DDX1: variants seen among roughly 807,000 people sequenced by gnomAD.
The protein encoded by DDX1 is ATP-dependent RNA helicase DDX1.
Under a neutral mutation model 108.7 loss-of-function variants are expected in DDX1, and 28 were observed. The observed-to-expected ratio is 0.26, with a 90% CI of 0.19 to 0.35. DDX1 has a LOEUF of 0.35. Ranked by LOEUF, DDX1 falls within the 10% of genes least tolerant of loss-of-function variation. The probability of loss-of-function intolerance (pLI) is 1.00; values close to 1 mark genes in which losing one functional copy is unlikely to be tolerated. For missense variants in DDX1, 710 were observed against 884.5 expected (o/e 0.80, Z 2.50); for synonymous variants, 295 against 288.9 (o/e 1.02, Z -0.21).
At chr2:15,603,501 G>A (rs1467515272) in intron 8 of DDX1, among the ~76,000 whole-genome samples, 1 of 152,198 alleles carries the variant, frequency 6.6e-6, no homozygotes, top group Admixed American at 6.5e-5. Flanking sequence ...TATGAATGGA[G>A]TCAGGGTAAA....
chr2:15,607,066 A>C, intron 12 of DDX1, 109 bp from the exon 13 acceptor site: 2 of 1,058,176 alleles, frequency 1.9e-6, no homozygotes, highest in Non-Finnish European at 1.4e-6. Context: ...CTACTTTTTG[A>C]CAATTATTAT....
At position 15,628,844 on chromosome 2, in the gene DDX1, T is replaced by C. The variant is rs372205026; in HGVS notation, c.1875+5T>C. The C allele has an allele frequency of 3.1e-6, 5 of 1,611,880 alleles. No homozygotes were observed. In the Admixed American group the frequency reaches 8.3e-5, roughly 27 times the overall value. On this transcript the variant is annotated splice_donor_5th_base_variant and intron_variant, in intron 23 of 25. Coordinates refer to ENST00000233084, the MANE Select transcript of DDX1 (RefSeq NM_004939.3). ...GTGGCAACAGAAAAAGAAAAGGTAA[T>C]CTTTGTAGGGCTCTATTATATTCAT...
intron 1 of DDX1, 103 bp downstream of exon 1, chr2:15,592,052 G>T: frequency 8.8e-7 from 1 of 1,132,110 alleles, no homozygotes; most frequent in African/African-American, 1.6e-5. Flanking sequence ...ACAGGGGTCA[G>T]GGAGACAGAA....
chr2:15,600,314 A>G (rs987072556), intron 6 of DDX1, among the ~76,000 whole-genome samples: 4 of 152,240 alleles, frequency 2.6e-5, no homozygotes, highest in Middle Eastern at 3.2e-3. Context: ...CATAGTGAGC[A>G]GCGAGACCTG....
Position 15,599,685 on chromosome 2 carries a change from G to C in DDX1, c.276G>C (p.Gln92His), listed in dbSNP as rs2148737744. 1.2e-6 allele frequency: 2 copies of C among 1,606,950 alleles called. No individual in the cohort carries two copies. Among genetic ancestry groups the C allele is most frequent in the Admixed American group, 3.4e-5 (2 of 59,064 alleles). ...TTTGTTTAGTGCTGAACAAATGGCA[G>C]ATGAACCCATATGACAGAGGATCTG... ...KTGASVLNKW[Q>H]MNPYDRGSAF... Residue 92 changes from glutamine (Q) to histidine (H), a missense_variant, in exon 6 of 26, where the codon CAG becomes CAC. This residue lies in a region of DDX1 where 661 missense variants were observed against 810.2 expected (regional missense o/e 0.82). Coordinates refer to ENST00000233084, the MANE Select transcript of DDX1 (RefSeq NM_004939.3).
rs762345891 is a variant in DDX1, at chr2:15,628,812, T to C, written c.1848T>C (p.Ile616=). 5.8e-5 allele frequency: 94 copies of C among 1,613,692 alleles called. No individual in the cohort carries two copies. Among genetic ancestry groups the C allele is most frequent in the Non-Finnish European group, 7.8e-5 (92 of 1,179,760 alleles). ...VGRAERMGLA[I]SLVATEKEKV... Reference sequence around the variant, plus strand: ...CATCTTTCAGGATGGGTCTGGCAATTTCCCTGGTGGCAACAGAAAAAGAAA... The same window carrying C: ...CATCTTTCAGGATGGGTCTGGCAATCTCCCTGGTGGCAACAGAAAAAGAAA... Residue 616 remains isoleucine, a synonymous_variant, in exon 23 of 26, where the codon ATT becomes ATC. Coordinates refer to ENST00000233084, the MANE Select transcript of DDX1 (RefSeq NM_004939.3).
chr2:15,612,111 G>A (rs1394652542), intron 13 of DDX1, among the ~76,000 whole-genome samples: 1 of 141,580 alleles, frequency 7.1e-6, no homozygotes, highest in Non-Finnish European at 1.5e-5. Context: ...CCTCCCTCCC[G>A]GACGGGGCGG....
chr2:15,620,665 A>G (rs1446899884), intron 17 of DDX1, among the ~76,000 whole-genome samples: 1 of 152,170 alleles, frequency 6.6e-6, no homozygotes, highest in Non-Finnish European at 1.5e-5. Flanking sequence ...TTCAGATACA[A>G]TGATTTCCAT....
chr2:15,603,916 C>CATAG (rs1452719223), intron 9 of DDX1, 26 bp downstream of exon 9: 1 of 1,488,444 alleles, frequency 6.7e-7, no homozygotes. Flanking sequence ...ATGACTTCAA[C>CATAG]ATAGCATAAG....
intron 25 of DDX1, 45 bp downstream of exon 25, chr2:15,630,155 C>A: frequency 1.2e-6 from 2 of 1,601,574 alleles, no homozygotes; most frequent in East Asian, 2.2e-5. Context: ...TGTAAATATA[C>A]CTGTTTTGAA....
intron 20 of DDX1, among the ~76,000 whole-genome samples, chr2:15,627,785 C>T (rs1018543184): frequency 4.6e-5 from 7 of 152,136 alleles, no homozygotes; most frequent in Non-Finnish European, 5.9e-5. Flanking sequence ...CTTTGGCTTA[C>T]GTTTCCATGC....
chr2:15,604,531 G>A (rs762195691), intron 10 of DDX1, 22 bp downstream of exon 10: 7 of 1,431,226 alleles, frequency 4.9e-6, no homozygotes, highest in African/African-American at 2.8e-5. Context: ...ATGGATCTTA[G>A]TAGTGAAAAG....
chr2:15,606,325 G>GT, intron 12 of DDX1, 61 bp downstream of exon 12: 3 of 1,219,758 alleles, frequency 2.5e-6, no homozygotes, highest in Non-Finnish European at 3.6e-6. Flanking sequence ...GAGAACTCCA[G>GT]TAAGTAAGGC....
At chr2:15,619,049 C>T (rs908337235) in intron 16 of DDX1, among the ~76,000 whole-genome samples, 2 of 152,190 alleles carry the variant, frequency 1.3e-5, no homozygotes, top group Non-Finnish European at 2.9e-5. Context: ...GGGTCCGCAG[C>T]CATAACTTGG....
At position 15,613,113 on chromosome 2, in the gene DDX1, A is replaced by G. The variant is rs941465634; in HGVS notation, c.957-111A>G. The G allele has an allele frequency of 1.8e-5, 13 of 730,152 alleles. No homozygotes were observed. In the Admixed American group the frequency reaches 2.0e-4, roughly 11 times the overall value. The allele number at this position is 730,152 out of a possible 1,614,324, so 45.2% of individuals were successfully genotyped here. A position where few individuals can be genotyped will look rare whatever the true frequency, so the allele number is the denominator to read the frequency against. ...GTTTTATTGTAGGCTTTTTTCCTCA[A>G]TTACTTTCTCAACCTTAATTTCCAC... On this transcript the variant is annotated intron_variant, in intron 13 of 25. Coordinates refer to ENST00000233084, the MANE Select transcript of DDX1 (RefSeq NM_004939.3).
In DDX1 at chr2:15,627,237, A is replaced by G. The variant is rs138192616; in HGVS notation, c.1686+92A>G. Reference sequence around the variant, plus strand: ...TTTAATTAATATTATTAAAGCAATTATTGTCCTAGAAATTTCAAAATGTTT... The same window carrying G: ...TTTAATTAATATTATTAAAGCAATTGTTGTCCTAGAAATTTCAAAATGTTT... On this transcript the variant is annotated intron_variant, in intron 20 of 25. Coordinates refer to ENST00000233084, the MANE Select transcript of DDX1 (RefSeq NM_004939.3). The G allele has an allele frequency of 4.3e-4, 298 of 686,274 alleles. 3 individuals carry two copies. The East Asian group carries it at 7.9e-3, about 18-fold the overall frequency. 42.5% of individuals were successfully genotyped at this position (686,274 alleles called of 1,614,324 possible).
Position 15,599,698 on chromosome 2 carries a change from G to C in DDX1, c.289G>C (p.Asp97His). 1 of 1,607,162 alleles carries C rather than the reference G, an allele frequency of 6.2e-7. No homozygotes were observed. Among genetic ancestry groups the C allele is most frequent in the African/African-American group, 1.3e-5 (1 of 74,650 alleles). The part of the protein sequence containing the change: ...VLNKWQMNPY[D>H]RGSAFAIGSD... ...GAACAAATGGCAGATGAACCCATAT[G>C]ACAGAGGATCTGCTTTTGGTAAGTG... The change falls in exon 6 of 26, where the codon GAC (aspartate) becomes CAC (histidine). Residue 97 changes from aspartate (D) to histidine (H), a missense_variant. Physicochemically the swap from Asp to His is moderately conservative, Grantham distance 81 (BLOSUM62 -1). Coordinates refer to ENST00000233084, the MANE Select transcript of DDX1 (RefSeq NM_004939.3).
intron 18 of DDX1, among the ~76,000 whole-genome samples, chr2:15,621,723 G>A (rs1666012257): frequency 6.6e-6 from 1 of 151,638 alleles, no homozygotes. Context: ...TGCGATTTTG[G>A]CTCACCACAA....
intron 13 of DDX1, among the ~76,000 whole-genome samples, chr2:15,611,663 G>A (rs1240208644): frequency 2.6e-5 from 3 of 113,782 alleles, no homozygotes; most frequent in East Asian, 5.8e-4. Context: ...CCCACCTCCC[G>A]GACGGGGCGG....
Sources: gnomAD v4.1 joint callset for allele counts (sites outside exome capture counted in the v4.1 genomes callset) on GRCh38, gnomAD v4.1.1 for gene constraint, gnomAD v4.1.1 regional missense constraint, MANE v1.5 for transcripts, NCBI Gene and HGNC (gene_info 2026-07-23, HGNC 2026-07-21) for gene names.